Variants in PRELID2 observed in about 807,000 individuals in gnomAD.
PRELID2 encodes the protein PRELI domain-containing protein 2.
A neutral mutation model predicts 28.4 loss-of-function variants in PRELID2; 25 were observed. The ratio of observed to expected loss-of-function variants is 0.88; its 90% CI spans 0.64 to 1.23. PRELID2 has a LOEUF of 1.23. PRELID2 is among the 50% of genes most tolerant of loss of function. PRELID2 has a pLI of 0.00. For missense variants in PRELID2, 201 were observed against 214.4 expected (o/e 0.94, Z 0.39); for synonymous variants, 76 against 71.6 (o/e 1.06, Z -0.31).
intron 1 of PRELID2, among the ~76,000 whole-genome samples, chr5:145,714,138 G>C (rs1186545467): frequency 6.6e-6 from 1 of 152,044 alleles, no homozygotes; most frequent in Non-Finnish European, 1.5e-5. Context: ...CTCCCAGCAA[G>C]ATGTCCTCAG....
intron 5 of PRELID2, among the ~76,000 whole-genome samples, chr5:145,793,247 T>C (rs1752511542): frequency 6.6e-6 from 1 of 152,202 alleles, no homozygotes; most frequent in African/African-American, 2.4e-5. Flanking sequence ...TGGGGATCCA[T>C]GGCTAAAGCC....
intron 1 of PRELID2, among the ~76,000 whole-genome samples, chr5:145,546,000 G>A (rs754751067): frequency 1.3e-4 from 20 of 152,104 alleles, no homozygotes; most frequent in Non-Finnish European, 1.2e-4. Context: ...ATAGGAAATG[G>A]AAATAAGGTC....
intron 1 of PRELID2, among the ~76,000 whole-genome samples, chr5:145,675,447 C>T (rs745431188): frequency 6.6e-5 from 10 of 152,180 alleles, no homozygotes; most frequent in Non-Finnish European, 1.5e-4. Flanking sequence ...AGAACAAACC[C>T]ATTGAGAAGA....
chr5:145,568,016 G>A (rs934362921), intron 1 of PRELID2, among the ~76,000 whole-genome samples: 2 of 152,132 alleles, frequency 1.3e-5, no homozygotes, highest in Admixed American at 6.5e-5. Context: ...AATTCTGGAC[G>A]ATACTGGGCC....
At chr5:145,722,964 C>A (rs1756033657) in intron 1 of PRELID2, among the ~76,000 whole-genome samples, 1 of 152,010 alleles carries the variant, frequency 6.6e-6, no homozygotes, top group African/African-American at 2.4e-5. Context: ...ACCAAACTAT[C>A]AATAACCAGA....
chr5:145,275,065 C>T, the PRELID2 span, among the ~76,000 whole-genome samples: 2 of 152,104 alleles, frequency 1.3e-5, no homozygotes, highest in African/African-American at 2.4e-5. Context: ...CACCACATAA[C>T]CTCATTTTAC....
At chr5:145,650,385 T>C (rs936801512) in intron 1 of PRELID2, among the ~76,000 whole-genome samples, 1 of 151,854 alleles carries the variant, frequency 6.6e-6, no homozygotes, top group African/African-American at 2.4e-5. Context: ...GCTTTCTGTT[T>C]CCTTCATCCA....
At chr5:145,582,677 C>T (rs1580984202) in intron 1 of PRELID2, among the ~76,000 whole-genome samples, 2 of 152,136 alleles carry the variant, frequency 1.3e-5, no homozygotes, top group South Asian at 2.1e-4. Context: ...CCTCTATGCA[C>T]AGAAACTAGC....
chr5:145,824,438 G>GTGTGTC lies in PRELID2; in HGVS notation c.76-1305_76-1304insGACACA, dbSNP rs1350735626. ...ACCCACAGCAGGCGTGTGTGTGTGT[G>GTGTGTC]TGTGTGTGTGTGTGTGTGTGTGTGT... On this transcript the variant is annotated intron_variant, in intron 1 of 6. Coordinates refer to ENST00000683046, the MANE Select transcript of PRELID2 (RefSeq NM_205846.3). 4.9e-3 allele frequency among the ~76,000 whole-genome samples: 639 copies of GTGTGTC among 129,126 alleles called. 8 individuals are homozygous for GTGTGTC. Among genetic ancestry groups the GTGTGTC allele is most frequent in the African/African-American group, 0.015 (578 of 38,922 alleles). The allele number at this position is 129,126 out of a possible 152,430, so 84.7% of individuals were successfully genotyped here.
the PRELID2 span, among the ~76,000 whole-genome samples, chr5:145,441,919 C>G: frequency 6.6e-6 from 1 of 152,104 alleles, no homozygotes; most frequent in South Asian, 2.1e-4. Flanking sequence ...GCGATTCAGA[C>G]AAAGTCTGAT....
the PRELID2 span, among the ~76,000 whole-genome samples, chr5:145,376,658 A>G: frequency 6.6e-6 from 1 of 152,106 alleles, no homozygotes; most frequent in Non-Finnish European, 1.5e-5. Context: ...CATTTCTTCT[A>G]GAGTTTTTAT....
At chr5:145,600,433 AAAT>A (rs1200119490) in intron 1 of PRELID2, among the ~76,000 whole-genome samples, 5 of 129,652 alleles carry the variant, frequency 3.9e-5, no homozygotes, top group Admixed American at 7.6e-5. Flanking sequence ...AAAAAAAAAA[AAAT>A]ATATATATAT....
At chr5:145,604,197 G>A (rs1265175156) in intron 1 of PRELID2, among the ~76,000 whole-genome samples, 2 of 151,960 alleles carry the variant, frequency 1.3e-5, no homozygotes, top group Admixed American at 1.3e-4. Flanking sequence ...TTATCACGCA[G>A]GTAATAAGCA....
At chr5:145,489,316 C>T (rs975487074) in intron 1 of PRELID2, among the ~76,000 whole-genome samples, 2 of 152,194 alleles carry the variant, frequency 1.3e-5, no homozygotes, top group African/African-American at 4.8e-5. Flanking sequence ...TAACAAATAA[C>T]TTCAGTGTTT....
chr5:145,233,957 A>C, the PRELID2 span, among the ~76,000 whole-genome samples: 1 of 152,174 alleles, frequency 6.6e-6, no homozygotes, highest in Admixed American at 6.5e-5. Flanking sequence ...TACCAACCAC[A>C]CTGCTTTCAG....
rs1007588894 is a variant in PRELID2 at position 145,615,319 on chromosome 5, T to C, written n.71-142004A>G. On this transcript the variant is annotated intron_variant and non_coding_transcript_variant, in intron 1 of 2. Coordinates refer to the PRELID2 transcript ENST00000510259. ...AGTCCTTATGTGTTATGTGAGTCTC[T>C]TTTTTTTGTTTTTTTTTTTTTTTTT... Among the ~76,000 whole-genome samples, 43 of 98,864 alleles carry C rather than the reference T, an allele frequency of 4.3e-4. 2 individuals carry two copies. Among genetic ancestry groups the C allele is most frequent in the African/African-American group, 2.4e-3 (42 of 17,620 alleles). The allele number at this position is 98,864 out of a possible 152,430, so 64.9% of individuals were successfully genotyped here.
At chr5:145,537,280 T>C (rs1752707356) in intron 1 of PRELID2, among the ~76,000 whole-genome samples, 3 of 151,838 alleles carry the variant, frequency 2.0e-5, no homozygotes, top group East Asian at 1.9e-4. Context: ...TATAGACTAG[T>C]AGGTGATAAA....
At chr5:145,771,832 G>C (rs1758126647) in intron 5 of PRELID2, among the ~76,000 whole-genome samples, 1 of 152,022 alleles carries the variant, frequency 6.6e-6, no homozygotes, top group Non-Finnish European at 1.5e-5. Flanking sequence ...TCCAGCCTGG[G>C]CAATAAGAGC....
At chr5:145,523,722 T>A (rs1167447810) in intron 1 of PRELID2, among the ~76,000 whole-genome samples, 1 of 152,150 alleles carries the variant, frequency 6.6e-6, no homozygotes, top group Admixed American at 6.5e-5. Flanking sequence ...ACTCCCAGTA[T>A]TAGCAACACT....
Sources: allele counts gnomAD v4.1 joint callset (sites outside exome capture counted in the v4.1 genomes callset), GRCh38; gene constraint gnomAD v4.1.1; transcripts MANE v1.5; gene names NCBI Gene and HGNC (gene_info 2026-07-23, HGNC 2026-07-21).